The following CTIF variants were observed in gnomAD, a reference collection of about 807,000 sequenced individuals.
The protein encoded by CTIF is CBP80/20-dependent translation initiation factor.
CTIF carries 21 observed loss-of-function variants against 66.0 expected under a neutral mutation model. The ratio of observed to expected loss-of-function variants is 0.32; its 90% CI spans 0.23 to 0.46. The LOEUF (loss-of-function observed/expected upper bound fraction) is 0.46, where lower values mean the gene tolerates loss of function less well. CTIF is among the 20% of genes least tolerant of loss of function. The pLI, the probability that CTIF is intolerant of heterozygous loss-of-function variation, is 1.00. For missense variants in CTIF, 739 were observed against 812.7 expected, an observed-to-expected ratio of 0.91 and a Z score of 1.10; for synonymous variants, 345 against 326.4, an observed-to-expected ratio of 1.06 and a Z score of -0.62.
intron 9 of CTIF, among the ~76,000 whole-genome samples, chr18:48,779,380 C>A (rs1910998428): frequency 6.6e-6 from 1 of 152,210 alleles, no homozygotes; most frequent in South Asian, 2.1e-4. Context: ...AGTCACGCAG[C>A]TGGTCAGTGA....
At chr18:48,580,921 A>C (rs1398527771) in intron 1 of CTIF, among the ~76,000 whole-genome samples, 1 of 152,236 alleles carries the variant, frequency 6.6e-6, no homozygotes, top group Non-Finnish European at 1.5e-5. Context: ...CAACTATTCC[A>C]CTAGCTGCAG....
chr18:48,779,355 A>T (rs549252971), intron 9 of CTIF, among the ~76,000 whole-genome samples: 2 of 152,304 alleles, frequency 1.3e-5, no homozygotes, highest in South Asian at 4.2e-4. Flanking sequence ...CAGAGAGCTT[A>T]GGAGGTATAC....
chr18:48,592,061 C>T (rs1450119911), intron 1 of CTIF, among the ~76,000 whole-genome samples: 1 of 152,170 alleles, frequency 6.6e-6, no homozygotes, highest in African/African-American at 2.4e-5. Flanking sequence ...CAGTGCTGTG[C>T]TTTTTCTACT....
At chr18:48,622,356 G>C (rs1467097570) in intron 2 of CTIF, among the ~76,000 whole-genome samples, 1 of 152,128 alleles carries the variant, frequency 6.6e-6, no homozygotes, top group East Asian at 1.9e-4. Flanking sequence ...TCAGGAGAGG[G>C]CTGGGTGTGA....
intron 10 of CTIF, among the ~76,000 whole-genome samples, chr18:48,840,052 G>A (rs1319326663): frequency 6.6e-6 from 1 of 152,198 alleles, no homozygotes; most frequent in African/African-American, 2.4e-5. Context: ...TCCCAGGCTG[G>A]GAGTGGTGAG....
At chr18:48,554,307 C>A (rs2088963843) in intron 1 of CTIF, among the ~76,000 whole-genome samples, 1 of 152,230 alleles carries the variant, frequency 6.6e-6, no homozygotes, top group Non-Finnish European at 1.5e-5. Context: ...AAACTGAGGA[C>A]TGGTTCTCTG....
chr18:48,835,416 G>A (rs1198307323), intron 10 of CTIF, among the ~76,000 whole-genome samples: 1 of 152,214 alleles, frequency 6.6e-6, no homozygotes, highest in Admixed American at 6.5e-5. Flanking sequence ...AGGTTGTGCT[G>A]TGTAAGGCTC....
At chr18:48,852,290 C>G (rs1264281110) in intron 10 of CTIF, among the ~76,000 whole-genome samples, 1 of 144,152 alleles carries the variant, frequency 6.9e-6, no homozygotes, top group East Asian at 2.1e-4. Flanking sequence ...CAGAATTCTC[C>G]TGATGTTAAT....
chr18:48,764,762 C>T (rs1909357380), intron 9 of CTIF, among the ~76,000 whole-genome samples: 1 of 152,216 alleles, frequency 6.6e-6, no homozygotes, highest in African/African-American at 2.4e-5. Flanking sequence ...ACCACTCACC[C>T]CTGTTTACCA....
intron 10 of CTIF, among the ~76,000 whole-genome samples, chr18:48,817,593 C>G (rs529508761): frequency 6.6e-6 from 1 of 152,026 alleles, no homozygotes; most frequent in Non-Finnish European, 1.5e-5. Context: ...CTGGCAAACA[C>G]GATGAAACCC....
intron 9 of CTIF, among the ~76,000 whole-genome samples, chr18:48,792,862 C>T (rs1209152717): frequency 3.9e-5 from 6 of 152,070 alleles, no homozygotes; most frequent in Non-Finnish European, 7.4e-5. Context: ...AGGAAGTGGC[C>T]AGGTTGAGTG....
intron 1 of CTIF, among the ~76,000 whole-genome samples, chr18:48,597,525 C>T (rs949604389): frequency 1.9e-4 from 29 of 152,092 alleles, no homozygotes; most frequent in African/African-American, 6.5e-4. Context: ...CCTGAGTTCA[C>T]GTGAGACCTG....
intron 1 of CTIF, among the ~76,000 whole-genome samples, chr18:48,554,696 C>A (rs1282692403): frequency 6.6e-6 from 1 of 152,232 alleles, no homozygotes; most frequent in Non-Finnish European, 1.5e-5. Flanking sequence ...GCCTGAGGTC[C>A]CTGAGGCTCT....
At chr18:48,587,659 G>A (rs1190647098) in intron 1 of CTIF, among the ~76,000 whole-genome samples, 1 of 152,200 alleles carries the variant, frequency 6.6e-6, no homozygotes, top group African/African-American at 2.4e-5. Context: ...TAAAAGGAGA[G>A]GCTGTGACTA....
intron 10 of CTIF, among the ~76,000 whole-genome samples, chr18:48,827,774 T>C (rs2068612356): frequency 6.6e-6 from 1 of 151,804 alleles, no homozygotes; most frequent in Admixed American, 6.6e-5. Context: ...AAGCGACCAT[T>C]CCTGTAACCT....
chr18:48,713,556 G>C (rs1283171472), intron 7 of CTIF, among the ~76,000 whole-genome samples: 1 of 152,120 alleles, frequency 6.6e-6, no homozygotes, highest in Admixed American at 6.5e-5. Flanking sequence ...GTCCGGGTTA[G>C]GTCAGCACAC....
intron 1 of CTIF, among the ~76,000 whole-genome samples, chr18:48,551,047 C>T (rs1287391596): frequency 2.6e-5 from 4 of 151,022 alleles, no homozygotes; most frequent in Non-Finnish European, 5.9e-5. Flanking sequence ...CTAACTCCAG[C>T]GCCTCAGAAC....
At chr18:48,655,939 T>C (rs899169563) in intron 3 of CTIF, among the ~76,000 whole-genome samples, 1 of 152,250 alleles carries the variant, frequency 6.6e-6, no homozygotes, top group Non-Finnish European at 1.5e-5. Flanking sequence ...TGTGTATTCA[T>C]AAAGAAAAGC....
At chr18:48,771,320 C>A (rs1290034240) in intron 9 of CTIF, among the ~76,000 whole-genome samples, 1 of 152,176 alleles carries the variant, frequency 6.6e-6, no homozygotes, top group African/African-American at 2.4e-5. Flanking sequence ...ATACTGGTAC[C>A]CACAAGGTAT....
Sources: gnomAD v4.1 joint callset for allele counts (sites outside exome capture counted in the v4.1 genomes callset) on GRCh38, gnomAD v4.1.1 for gene constraint, MANE v1.5 for transcripts, NCBI Gene and HGNC (gene_info 2026-07-23, HGNC 2026-07-21) for gene names.